PRKN: variants seen among roughly 807,000 people sequenced by gnomAD.
PRKN encodes the protein parkin RBR E3 ubiquitin protein ligase, also known as E3 ubiquitin-protein ligase parkin.
PRKN carries 56 observed loss-of-function variants against 59.5 expected under a neutral mutation model. That is an observed-to-expected ratio of 0.94 (90% CI 0.76 to 1.18). The LOEUF is 1.18. Ranked by LOEUF, PRKN falls within the 50% of genes most tolerant of loss-of-function variation. The pLI, the probability that PRKN is intolerant of heterozygous loss-of-function variation, is 0.00. For synonymous variants in PRKN, 250 were observed against 222.1 expected, an observed-to-expected ratio of 1.13 and a Z score of -1.12; for missense variants, 657 against 596.4, an observed-to-expected ratio of 1.10 and a Z score of -1.06.
chr6:161,769,909 G>C (rs537177911), intron 7 of PRKN, among the ~76,000 whole-genome samples: 1 of 152,248 alleles, frequency 6.6e-6, no homozygotes, highest in East Asian at 1.9e-4. Context: ...TGGCTTTACT[G>C]TAACTGTTGG....
intron 1 of PRKN, among the ~76,000 whole-genome samples, chr6:162,526,406 C>G (rs1158434053): frequency 2.0e-5 from 3 of 150,912 alleles, no homozygotes; most frequent in Admixed American, 1.3e-4. Flanking sequence ...AATCCCAGCA[C>G]TTTGGGAGGC....
rs1787705562 is a variant in PRKN, at chr6:161,413,823, G to A, written c.1084-26946C>T. Among the ~76,000 whole-genome samples the A allele has an allele frequency of 6.6e-6, 1 of 152,174 alleles. No homozygotes were observed. On this transcript the variant is annotated intron_variant, in intron 9 of 11. Transcript: ENST00000366898. This position sits in a 1 kb window ranked among gnomAD's most constrained non-coding sequence, Gnocchi z 4.4. Reference sequence around the variant, plus strand: ...TCAAAAATGCAATTTTTAATTAAAAGGGAAACTTCCTGAGAGGACAGGGAG... The same window carrying A: ...TCAAAAATGCAATTTTTAATTAAAAAGGAAACTTCCTGAGAGGACAGGGAG...
intron 2 of PRKN, among the ~76,000 whole-genome samples, chr6:162,339,279 C>A (rs868084235): frequency 7.2e-6 from 1 of 138,890 alleles, no homozygotes; most frequent in African/African-American, 2.6e-5. Context: ...CCGCCCCGTC[C>A]GGGAGGGAGG....
chr6:162,007,700 T>C (rs909151749), intron 5 of PRKN, among the ~76,000 whole-genome samples: 1 of 151,974 alleles, frequency 6.6e-6, no homozygotes, highest in Non-Finnish European at 1.5e-5. Flanking sequence ...AATGATATGA[T>C]ATTGGAAGGA....
chr6:161,384,914 G>C (rs941594419), intron 10 of PRKN, among the ~76,000 whole-genome samples: 1 of 152,120 alleles, frequency 6.6e-6, no homozygotes, highest in African/African-American at 2.4e-5. Context: ...CCTCTAAAGG[G>C]AAATACACTT....
intron 5 of PRKN, among the ~76,000 whole-genome samples, chr6:161,981,262 A>G (rs780233370): frequency 6.6e-6 from 1 of 152,242 alleles, no homozygotes; most frequent in Non-Finnish European, 1.5e-5. Context: ...TGTCCAGGCT[A>G]GAATAGTTCC....
At chr6:161,730,094 C>A (rs1446305661) in intron 7 of PRKN, among the ~76,000 whole-genome samples, 1 of 76,618 alleles carries the variant, frequency 1.3e-5, no homozygotes, top group Non-Finnish European at 2.7e-5. Flanking sequence ...ATATGTTGCA[C>A]TCTGATGTGT....
At chr6:162,519,402 C>A (rs1370332581) in intron 1 of PRKN, among the ~76,000 whole-genome samples, 4 of 152,092 alleles carry the variant, frequency 2.6e-5, no homozygotes, top group African/African-American at 9.7e-5. Flanking sequence ...CTAGTATTAG[C>A]CTATGAGGGC....
chr6:162,340,582 T>C (rs1784131727), intron 2 of PRKN, among the ~76,000 whole-genome samples: 1 of 152,098 alleles, frequency 6.6e-6, no homozygotes, highest in Non-Finnish European at 1.5e-5. Flanking sequence ...AAAACAGATA[T>C]ATAGACCAAT....
At chr6:162,604,636 A>G (rs1357384734) in intron 1 of PRKN, among the ~76,000 whole-genome samples, 1 of 151,752 alleles carries the variant, frequency 6.6e-6, no homozygotes, top group Non-Finnish European at 1.5e-5. Flanking sequence ...CTGGTGTGTC[A>G]GCTCGTGTGT....
At chr6:161,847,671 A>C (rs974037364) in intron 6 of PRKN, among the ~76,000 whole-genome samples, 3 of 152,116 alleles carry the variant, frequency 2.0e-5, no homozygotes, top group African/African-American at 7.2e-5. Context: ...TAGTAAAAAA[A>C]TTGAATCCGG....
intron 7 of PRKN, among the ~76,000 whole-genome samples, chr6:161,662,530 C>T (rs1405149161): frequency 1.3e-5 from 2 of 152,146 alleles, no homozygotes; most frequent in Non-Finnish European, 1.5e-5. Context: ...CACTGGACTT[C>T]TGACTTTGGC....
At chr6:162,383,348 C>T (rs910404875) in intron 2 of PRKN, among the ~76,000 whole-genome samples, 3 of 152,256 alleles carry the variant, frequency 2.0e-5, no homozygotes, top group Admixed American at 2.0e-4. Context: ...GTTATGTTAG[C>T]AAGCATGAAA....
chr6:161,680,726 CATATATATATATATATAT>C lies in PRKN; in HGVS notation c.871+105028_871+105045del, dbSNP rs56954052. Among the ~76,000 whole-genome samples, 211 of 50,992 alleles carry C rather than the reference CATATATATATATATATAT, an allele frequency of 4.1e-3. 1 individual carries two copies. The highest frequency in any genetic ancestry group is 0.017 in the African/African-American group (132 of 7,808). 33.5% of individuals were successfully genotyped at this position (50,992 alleles called of 152,430 possible). ...TGGGCTCTGAAAACATCCTGAAATA[CATATATATATATATATAT>C]ATATATATATATATATATATATATA... On this transcript the variant is annotated intron_variant, in intron 7 of 11. Coordinates refer to ENST00000366898, the MANE Select transcript of PRKN (RefSeq NM_004562.3).
At chr6:162,310,189 C>T (rs920668698) in intron 2 of PRKN, among the ~76,000 whole-genome samples, 3 of 152,120 alleles carry the variant, frequency 2.0e-5, no homozygotes, top group Non-Finnish European at 2.9e-5. Flanking sequence ...TTAATTTTTG[C>T]CACCAACTTA....
At chr6:161,389,280 A>G (rs375808203) in intron 9 of PRKN, among the ~76,000 whole-genome samples, 2 of 152,346 alleles carry the variant, frequency 1.3e-5, no homozygotes, top group African/African-American at 4.8e-5. Context: ...AGTTCATCTG[A>G]AAAGTATTTT....
At chr6:162,423,641 T>C (rs1431769268) in intron 2 of PRKN, among the ~76,000 whole-genome samples, 3 of 152,182 alleles carry the variant, frequency 2.0e-5, no homozygotes, top group Non-Finnish European at 4.4e-5. Context: ...ACTGGTTTCC[T>C]CTATTCTCTT....
chr6:161,797,672 G>T (rs972764991), intron 6 of PRKN, among the ~76,000 whole-genome samples: 3 of 152,154 alleles, frequency 2.0e-5, no homozygotes, highest in Non-Finnish European at 4.4e-5. Flanking sequence ...TCTTAAAACA[G>T]TTCAACAATG....
intron 6 of PRKN, among the ~76,000 whole-genome samples, chr6:161,951,457 A>C (rs1779987125): frequency 6.6e-6 from 1 of 152,188 alleles, no homozygotes; most frequent in South Asian, 2.1e-4. Flanking sequence ...GTTGCCCAGG[A>C]GGGTGTCCCA....
Sources: allele counts gnomAD v4.1 joint callset (sites outside exome capture counted in the v4.1 genomes callset), GRCh38; gene constraint gnomAD v4.1.1; non-coding constraint Gnocchi (gnomAD v3.1); transcripts MANE v1.5; gene names NCBI Gene and HGNC (gene_info 2026-07-23, HGNC 2026-07-21).